HHAT: variants seen among roughly 807,000 people sequenced by gnomAD.
The protein encoded by HHAT is hedgehog acyltransferase, also known as protein-cysteine N-palmitoyltransferase HHAT.
A neutral mutation model predicts 70.8 loss-of-function variants in HHAT; 47 were observed. The observed-to-expected ratio is 0.66, with a 90% CI of 0.53 to 0.85. The LOEUF is 0.85. Ranked by LOEUF, HHAT falls within the 40% of genes least tolerant of loss-of-function variation. HHAT has a pLI of 0.00. For synonymous variants in HHAT, 228 were observed against 247.6 expected, an observed-to-expected ratio of 0.92 and a Z score of 0.74; for missense variants, 609 against 604.8, an observed-to-expected ratio of 1.01 and a Z score of -0.07.
intron 9 of HHAT, among the ~76,000 whole-genome samples, chr1:210,545,333 C>T (rs910273432): frequency 2.0e-5 from 3 of 152,124 alleles, no homozygotes; most frequent in African/African-American, 7.2e-5. Context: ...TGCCACAAGG[C>T]ATTTGCACAA....
At chr1:210,645,532 G>C (rs1454257336) in intron 11 of HHAT, among the ~76,000 whole-genome samples, 1 of 152,128 alleles carries the variant, frequency 6.6e-6, no homozygotes, top group South Asian at 2.1e-4. Flanking sequence ...TCCCTTTATC[G>C]CAAGTACTGG....
At chr1:210,431,030 A>G (rs2093227244) in intron 7 of HHAT, among the ~76,000 whole-genome samples, 1 of 151,790 alleles carries the variant, frequency 6.6e-6, no homozygotes, top group Non-Finnish European at 1.5e-5. Context: ...GTTCTCACCC[A>G]TATTTTGGGA....
chr1:210,577,637 ATTTTTTTTTT>A (rs1192626068), intron 9 of HHAT, among the ~76,000 whole-genome samples: 1 of 60,206 alleles, frequency 1.7e-5, no homozygotes, highest in South Asian at 5.4e-4. Flanking sequence ...GGCCTGTAGG[ATTTTTTTTTT>A]TTTTTTTTTT....
At chr1:210,650,842 A>C (rs1674988125) in intron 11 of HHAT, among the ~76,000 whole-genome samples, 1 of 152,184 alleles carries the variant, frequency 6.6e-6, no homozygotes, top group Admixed American at 6.5e-5. Context: ...TAATTTATGA[A>C]TTTATTTGCT....
At chr1:210,568,035 C>T (rs973651772) in intron 9 of HHAT, among the ~76,000 whole-genome samples, 5 of 152,210 alleles carry the variant, frequency 3.3e-5, no homozygotes, top group African/African-American at 1.2e-4. Context: ...GGATGAGGCT[C>T]ATCACTAGAA....
rs542527553 is a variant in HHAT at position 210,403,945 on chromosome 1, T to C, written c.469-519T>C. On this transcript the variant is annotated intron_variant, in intron 5 of 11. Transcript: ENST00000261458. Reference sequence around the variant, plus strand: ...GAGGGCAGGGACTTTTTTTTTTTTTTTTTAAATATTTGTCTGTAAAGCTTA... The same window carrying C: ...GAGGGCAGGGACTTTTTTTTTTTTTCTTTAAATATTTGTCTGTAAAGCTTA... 2.6e-5 allele frequency among the ~76,000 whole-genome samples: 4 copies of C among 152,164 alleles called. No homozygotes were observed. In the East Asian group the frequency reaches 7.7e-4, roughly 29 times the overall value.
At chr1:210,450,050 T>C (rs2093718185) in intron 7 of HHAT, among the ~76,000 whole-genome samples, 1 of 152,034 alleles carries the variant, frequency 6.6e-6, no homozygotes, top group African/African-American at 2.4e-5. Flanking sequence ...ATCCTGCACT[T>C]TGGGAGGCCG....
intron 3 of HHAT, among the ~76,000 whole-genome samples, chr1:210,382,429 T>C (rs1248656298): frequency 8.5e-5 from 13 of 152,262 alleles, no homozygotes; most frequent in African/African-American, 2.9e-4. Context: ...GAGGGAGAAA[T>C]GTGACAAGTA....
intron 2 of HHAT, among the ~76,000 whole-genome samples, chr1:210,355,129 TCTACA>T (rs1047321663): frequency 6.6e-6 from 1 of 152,184 alleles, no homozygotes; most frequent in Non-Finnish European, 1.5e-5. Flanking sequence ...TTATTTCTGA[TCTACA>T]CTAAAGGTAT....
At chr1:210,471,382 A>T (rs1012855017) in intron 8 of HHAT, among the ~76,000 whole-genome samples, 54 of 152,028 alleles carry the variant, frequency 3.6e-4, no homozygotes, top group African/African-American at 1.3e-3. Context: ...TCATTATTTT[A>T]TCAGATGTTG....
intron 1 of HHAT, among the ~76,000 whole-genome samples, chr1:210,335,043 A>G (rs1422621709): frequency 2.0e-5 from 3 of 152,182 alleles, no homozygotes; most frequent in East Asian, 1.9e-4. Flanking sequence ...TTCCGGTTGC[A>G]TTTATGAGGC....
chr1:210,379,551 A>G (rs559556808), intron 3 of HHAT, among the ~76,000 whole-genome samples: 1 of 152,184 alleles, frequency 6.6e-6, no homozygotes, highest in Non-Finnish European at 1.5e-5. Context: ...TTTTCAGTCC[A>G]CAGTCTCTAG....
chr1:210,461,105 CA>C (rs1262352461), intron 7 of HHAT, among the ~76,000 whole-genome samples: 2 of 152,100 alleles, frequency 1.3e-5, no homozygotes, highest in African/African-American at 4.8e-5. Flanking sequence ...TTGAGCATAA[CA>C]AAAGCTAGTT....
intron 11 of HHAT, among the ~76,000 whole-genome samples, chr1:210,630,816 T>C (rs116317743): frequency 0.017 from 2,633 of 152,086 alleles, 37 homozygotes; most frequent in Middle Eastern, 0.027. Flanking sequence ...GAGTGTGGAG[T>C]TGTCAGGATG....
chr1:210,425,767 G>A (rs2093044290), intron 7 of HHAT, among the ~76,000 whole-genome samples: 1 of 152,026 alleles, frequency 6.6e-6, no homozygotes, highest in African/African-American at 2.4e-5. Flanking sequence ...TTTGAAGTTG[G>A]GTAGCATGAT....
At chr1:210,662,296 G>C (rs1045982494) in intron 11 of HHAT, among the ~76,000 whole-genome samples, 2 of 152,216 alleles carry the variant, frequency 1.3e-5, no homozygotes, top group African/African-American at 4.8e-5. Flanking sequence ...CAGGCTGCCT[G>C]TCTGAATGCT....
intron 9 of HHAT, among the ~76,000 whole-genome samples, chr1:210,571,936 G>C (rs539331819): frequency 2.0e-5 from 3 of 152,296 alleles, no homozygotes; most frequent in Middle Eastern, 6.8e-3. Flanking sequence ...GTGCACTCAA[G>C]ACTTTACTCA....
intron 3 of HHAT, among the ~76,000 whole-genome samples, chr1:210,363,388 C>T (rs1165295897): frequency 6.6e-6 from 1 of 152,220 alleles, no homozygotes; most frequent in African/African-American, 2.4e-5. Context: ...CGCTTGTCTT[C>T]AGCAGCAGCT....
chr1:210,545,998 G>GA (rs1344660905), intron 9 of HHAT, among the ~76,000 whole-genome samples: 8 of 152,178 alleles, frequency 5.3e-5, no homozygotes, highest in African/African-American at 1.9e-4. Context: ...AGATCATGAG[G>GA]AAGGGCATTT....
Sources: gnomAD v4.1 joint callset for allele counts (sites outside exome capture counted in the v4.1 genomes callset) on GRCh38, gnomAD v4.1.1 for gene constraint, MANE v1.5 for transcripts, NCBI Gene and HGNC (gene_info 2026-07-23, HGNC 2026-07-21) for gene names.